The following LSAMP variants were observed in gnomAD, a reference collection of about 807,000 sequenced individuals.
LSAMP encodes the protein limbic system-associated membrane protein.
A neutral mutation model predicts 38.6 loss-of-function variants in LSAMP; 7 were observed. The observed-to-expected ratio is 0.18, with a 90% confidence interval of 0.10 to 0.34. The LOEUF (loss-of-function observed/expected upper bound fraction) is 0.34. LSAMP is among the 10% of genes least tolerant of loss of function. LSAMP has a pLI of 1.00. For missense variants in LSAMP, 313 were observed against 420.0 expected (o/e 0.75, Z 2.23); for synonymous variants, 154 against 166.8 (o/e 0.92, Z 0.59).
intron 1 of LSAMP, among the ~76,000 whole-genome samples, chr3:116,198,479 T>A (rs1156927989): frequency 2.6e-5 from 4 of 151,970 alleles, no homozygotes; most frequent in Admixed American, 1.3e-4. Context: ...TATTAGAAAA[T>A]CAGAACTGAG....
At chr3:116,318,887 A>G (rs2047669412) in intron 1 of LSAMP, among the ~76,000 whole-genome samples, 1 of 152,066 alleles carries the variant, frequency 6.6e-6, no homozygotes, top group African/African-American at 2.4e-5. Flanking sequence ...CCCAACCTCT[A>G]TTCTATCAGG....
intron 1 of LSAMP, among the ~76,000 whole-genome samples, chr3:116,269,648 G>C (rs2046943121): frequency 6.6e-6 from 1 of 152,030 alleles, no homozygotes; most frequent in South Asian, 2.1e-4. Context: ...ATCCAAACCA[G>C]GACGCTTCTG....
chr3:115,901,712 A>C (rs1042239680), intron 3 of LSAMP, among the ~76,000 whole-genome samples: 14 of 152,126 alleles, frequency 9.2e-5, no homozygotes, highest in African/African-American at 3.4e-4. Flanking sequence ...ATACCACCCC[A>C]ATACATTCTC....
intron 1 of LSAMP, among the ~76,000 whole-genome samples, chr3:116,232,653 A>AAGG (rs1292342812): frequency 6.9e-6 from 1 of 145,460 alleles, no homozygotes; most frequent in Non-Finnish European, 1.5e-5. Flanking sequence ...GAGACAATTT[A>AAGG]AGGAGCATTT....
At chr3:116,260,912 G>C (rs2046818162) in intron 1 of LSAMP, among the ~76,000 whole-genome samples, 1 of 152,146 alleles carries the variant, frequency 6.6e-6, no homozygotes, top group African/African-American at 2.4e-5. Context: ...AGAGGTGCAG[G>C]CAGAGATAGA....
intron 6 of LSAMP, among the ~76,000 whole-genome samples, chr3:115,831,838 AAGG>A (rs1239699857): frequency 6.6e-6 from 1 of 152,184 alleles, no homozygotes; most frequent in Non-Finnish European, 1.5e-5. Flanking sequence ...CTTTTAAACT[AAGG>A]AGGAGGAAAG....
chr3:116,415,156 G>A (rs1436863810), intron 1 of LSAMP, among the ~76,000 whole-genome samples: 1 of 151,896 alleles, frequency 6.6e-6, no homozygotes, highest in Non-Finnish European at 1.5e-5. Context: ...TCTCCCCATT[G>A]CAATAGTCTT....
chr3:116,419,753 G>A (rs2049097944), intron 1 of LSAMP, among the ~76,000 whole-genome samples: 1 of 152,122 alleles, frequency 6.6e-6, no homozygotes, highest in Non-Finnish European at 1.5e-5. Flanking sequence ...GAAAAGATAG[G>A]ATAAGTTGCT....
intron 3 of LSAMP, among the ~76,000 whole-genome samples, chr3:115,991,250 C>G (rs1177484642): frequency 6.6e-6 from 1 of 152,032 alleles, no homozygotes; most frequent in Non-Finnish European, 1.5e-5. Context: ...TTATAACTCA[C>G]AGTATAGCAG....
At chr3:115,907,611 A>G (rs1044144445) in intron 3 of LSAMP, among the ~76,000 whole-genome samples, 3 of 152,160 alleles carry the variant, frequency 2.0e-5, no homozygotes, top group Non-Finnish European at 2.9e-5. Flanking sequence ...TCTTCGGGCT[A>G]CTTCCCCAGT....
At chr3:116,418,270 T>G (rs1255989543) in intron 1 of LSAMP, among the ~76,000 whole-genome samples, 1 of 152,180 alleles carries the variant, frequency 6.6e-6, no homozygotes, top group Non-Finnish European at 1.5e-5. Flanking sequence ...TTATCTCAGT[T>G]GGCCAGCAAA....
intron 6 of LSAMP, among the ~76,000 whole-genome samples, chr3:115,828,157 T>C (rs1405985459): frequency 1.3e-5 from 2 of 152,184 alleles, no homozygotes; most frequent in African/African-American, 4.8e-5. Flanking sequence ...TGGTTTTGTC[T>C]GAAAGATGTC....
intron 1 of LSAMP, among the ~76,000 whole-genome samples, chr3:116,382,992 C>T (rs576766394): frequency 6.6e-6 from 1 of 152,228 alleles, no homozygotes; most frequent in South Asian, 2.1e-4. Flanking sequence ...TTCCCTTTGC[C>T]TACTTTAGCT....
rs71141862 is a variant in LSAMP at position 116,221,150 on chromosome 3, C to CA, written c.156-134595dup. Among the ~76,000 whole-genome samples the CA allele has an allele frequency of 7.3e-3, 387 of 53,128 alleles. 18 individuals are homozygous for CA. The highest frequency in any genetic ancestry group is 0.025 in the African/African-American group (331 of 13,270). 34.9% of individuals were successfully genotyped at this position (53,128 alleles called of 152,430 possible). A position where few individuals can be genotyped will look rare whatever the true frequency, so the allele number is the denominator to read the frequency against. ...TGTGTGACAGAGCGAGACTCTGTCT[C>CA]AAAAAAAAAAAAAAAAAAAAGGAAA... On this transcript the variant is annotated intron_variant, in intron 1 of 6. Coordinates refer to ENST00000490035, the MANE Select transcript of LSAMP (RefSeq NM_002338.5).
At chr3:115,862,983 C>A (rs1290098379) in intron 3 of LSAMP, among the ~76,000 whole-genome samples, 1 of 152,152 alleles carries the variant, frequency 6.6e-6, no homozygotes, top group Non-Finnish European at 1.5e-5. Context: ...GGCCCATGCG[C>A]TCCTAGAAGG....
At chr3:116,380,963 G>A (rs1245193246) in intron 1 of LSAMP, among the ~76,000 whole-genome samples, 1 of 151,954 alleles carries the variant, frequency 6.6e-6, no homozygotes, top group African/African-American at 2.4e-5. Flanking sequence ...TGCTTCCTAT[G>A]TTATATTCCT....
chr3:116,378,911 G>A (rs1367318055), intron 1 of LSAMP, among the ~76,000 whole-genome samples: 1 of 151,596 alleles, frequency 6.6e-6, no homozygotes, highest in Non-Finnish European at 1.5e-5. Context: ...AGGTCACACA[G>A]TGAGTAAAGG....
chr3:116,274,825 G>A (rs567368982), intron 1 of LSAMP, among the ~76,000 whole-genome samples: 1 of 151,852 alleles, frequency 6.6e-6, no homozygotes, highest in South Asian at 2.1e-4. Flanking sequence ...TTATAGGCAC[G>A]CTGTAGTCTT....
At chr3:116,148,663 T>C (rs997030811) in intron 1 of LSAMP, among the ~76,000 whole-genome samples, 2 of 151,974 alleles carry the variant, frequency 1.3e-5, no homozygotes, top group Non-Finnish European at 2.9e-5. Flanking sequence ...AAGCTAATGA[T>C]AAGCCATCCA....
Sources: allele counts gnomAD v4.1 joint callset (sites outside exome capture counted in the v4.1 genomes callset), GRCh38; gene constraint gnomAD v4.1.1; transcripts MANE v1.5; gene names NCBI Gene and HGNC (gene_info 2026-07-23, HGNC 2026-07-21).